COL6A6: variants seen among roughly 807,000 people sequenced by gnomAD.
COL6A6 encodes the protein collagen alpha-6(VI) chain.
COL6A6 carries 183 observed loss-of-function variants against 208.6 expected under a neutral mutation model. That is an observed-to-expected ratio of 0.88 (90% CI 0.78 to 0.99). COL6A6 has a LOEUF of 0.99. Among genes scored for constraint, COL6A6 ranks in the 50% least tolerant of loss-of-function variants. The pLI is 0.00. For synonymous variants in COL6A6, 973 were observed against 1,011.8 expected (o/e 0.96, Z 0.73); for missense variants, 2,816 against 2,815.2 (o/e 1.00, Z -0.01).
At chr3:130,579,110 C>T (rs528339485) in intron 8 of COL6A6, among the ~76,000 whole-genome samples, 1 of 152,194 alleles carries the variant, frequency 6.6e-6, no homozygotes, top group Non-Finnish European at 1.5e-5. Flanking sequence ...CTGCCACTTT[C>T]CCCTTTAAAG....
At chr3:130,559,848 A>C (rs2062841891) in intron 1 of COL6A6, among the ~76,000 whole-genome samples, 1 of 152,182 alleles carries the variant, frequency 6.6e-6, no homozygotes, top group South Asian at 2.1e-4. Context: ...CTACTGTTTC[A>C]GTTAGGGAGG....
chr3:130,586,440 A>G (rs545980764), intron 10 of COL6A6, 66 bp from the exon 11 acceptor site: 2 of 1,426,504 alleles, frequency 1.4e-6, no homozygotes, highest in African/African-American at 2.9e-5. Context: ...CAATTTAAAT[A>G]TGCTTGCAAA....
rs372431409 is a variant in COL6A6, at chr3:130,661,991, G to A, written c.6185G>A (p.Gly2062Asp). The part of the protein sequence containing the change: ...VKQLNGDAFI[G>D]HALQWTLDNV... ...CAACTAAATGGAGATGCTTTTATTGGTCATGCCTTACAGTGGACTCTGGAC... is the reference window on the plus strand; with the variant it reads ...CAACTAAATGGAGATGCTTTTATTGATCATGCCTTACAGTGGACTCTGGAC... The change falls in exon 35 of 37, where the codon GGT becomes GAT. Residue 2062 changes from glycine to aspartate, a missense_variant. Physicochemically the swap from Gly to Asp is moderately conservative, Grantham distance 94. Transcript: ENST00000358511. 5.0e-5 allele frequency: 81 copies of A among 1,613,862 alleles called. No individual in the cohort carries two copies. In the Middle Eastern group the frequency reaches 9.9e-4, roughly 20 times the overall value.
intron 1 of COL6A6, among the ~76,000 whole-genome samples, chr3:130,540,037 A>G (rs2062324199): frequency 6.6e-6 from 1 of 152,228 alleles, no homozygotes; most frequent in Non-Finnish European, 1.5e-5. Context: ...TTTGTTAATA[A>G]TAAACCATAA....
chr3:130,644,423 A>G (rs921673651), intron 31 of COL6A6, among the ~76,000 whole-genome samples: 6 of 152,214 alleles, frequency 3.9e-5, no homozygotes, highest in Non-Finnish European at 7.3e-5. Context: ...ATTAATTTTA[A>G]TAGCTGCATG....
rs149602712 is a variant in COL6A6, at chr3:130,607,726, C to T, written c.4689+760C>T. On this transcript the variant is annotated intron_variant, in intron 21 of 36. Coordinates refer to ENST00000358511, the MANE Select transcript of COL6A6 (RefSeq NM_001102608.3). ...CCTGAAGGTACAGTGGAAAAATAAT[C>T]GTTAACTTAGAATTTTATACCTAGC... Among the ~76,000 whole-genome samples the T allele has an allele frequency of 4.5e-4, 68 of 152,206 alleles. 1 individual carries two copies. The highest frequency in any genetic ancestry group is 1.4e-3 in the African/African-American group (58 of 41,536).
Position 130,589,193 on chromosome 3 carries a change from C to T in COL6A6, c.4218+11C>T, listed in dbSNP as rs138769962. ...CCACCAGGGAAAAGGGTGATTTTAG[C>T]TCAGATTTATGGGTTACTTTGAGTT... is the stretch of plus-strand genomic sequence containing the variant. On this transcript the variant is annotated intron_variant, in intron 12 of 36. Coordinates refer to ENST00000358511, the MANE Select transcript of COL6A6 (RefSeq NM_001102608.3). The T allele has an allele frequency of 1.2e-6, 2 of 1,600,360 alleles. No homozygotes were observed. Among genetic ancestry groups the T allele is most frequent in the Non-Finnish European group, 1.7e-6 (2 of 1,167,576 alleles).
At chr3:130,660,300 C>T (rs1003182322) in intron 34 of COL6A6, among the ~76,000 whole-genome samples, 10 of 152,180 alleles carry the variant, frequency 6.6e-5, no homozygotes, top group Non-Finnish European at 1.5e-4. Flanking sequence ...TATCATCTGA[C>T]CATTATACAG....
chr3:130,519,232 T>G (rs1261928404), intron 1 of COL6A6, among the ~76,000 whole-genome samples: 1 of 152,220 alleles, frequency 6.6e-6, no homozygotes, highest in African/African-American at 2.4e-5. Context: ...CCTTATTTAA[T>G]AATCTCTATA....
intron 2 of COL6A6, among the ~76,000 whole-genome samples, chr3:130,560,971 C>T (rs570930667): frequency 6.6e-5 from 10 of 152,358 alleles, no homozygotes; most frequent in African/African-American, 2.4e-4. Flanking sequence ...TTGTCCAGAG[C>T]AACTTACATT....
At chr3:130,624,570 G>A (rs2064830156) in intron 24 of COL6A6, among the ~76,000 whole-genome samples, 1 of 152,192 alleles carries the variant, frequency 6.6e-6, no homozygotes. Context: ...CCTGAAGAAG[G>A]CTCTAGGGGA....
Position 130,662,078 on chromosome 3 carries a change from G to A in COL6A6, c.6272G>A (p.Gly2091Glu), listed in dbSNP as rs1305846345. The A allele has an allele frequency of 6.2e-7, 1 of 1,613,868 alleles. No individual in the cohort carries two copies. The highest frequency in any genetic ancestry group is 1.3e-5 in the African/African-American group (1 of 74,906). The part of the protein sequence containing the change: ...RNKVIFVISA[G>E]ETSHLDGEIL... The stretch of plus-strand genomic sequence containing the variant: ...AAAGTCATATTTGTGATATCTGCTG[G>A]GGAAACCAGCCACTTAGATGGGGAA... The change falls in exon 35 of 37, where the codon GGG becomes GAG. Residue 2091 changes from glycine (G) to glutamate (E), a missense_variant. By Grantham distance (98) the Gly-to-Glu change is moderately conservative (BLOSUM62 -2). Transcript: ENST00000358511.
At chr3:130,648,831 A>G (rs1288576362) in intron 32 of COL6A6, among the ~76,000 whole-genome samples, 1 of 152,222 alleles carries the variant, frequency 6.6e-6, no homozygotes, top group African/African-American at 2.4e-5. Context: ...ATTTCATATA[A>G]AATAAAACTG....
rs770774472 is a variant in COL6A6 at position 130,626,485 on chromosome 3, G to A, written c.4879G>A (p.Gly1627Arg). The A allele has an allele frequency of 7.4e-6, 12 of 1,610,780 alleles. No individual in the cohort carries two copies. The South Asian group carries it at 1.1e-4, about 15-fold the overall frequency. Reference sequence around the variant, plus strand: ...TAAAAACAATCTTTCTGTTTAACAGGGAGAACCTGGAGATCTGGGAGAAAA... The same window carrying A: ...TAAAAACAATCTTTCTGTTTAACAGAGAGAACCTGGAGATCTGGGAGAAAA... ...QGRLGSQGNKGEPGDLGEKGA... is the reference protein window; with the variant it reads ...QGRLGSQGNKREPGDLGEKGA... The change falls in exon 25 of 37, where the codon GGA (glycine) becomes AGA (arginine). Residue 1627 changes from glycine to arginine, a missense_variant and splice_region_variant. Physicochemically the swap from Gly to Arg is moderately radical, Grantham distance 125. Coordinates refer to ENST00000358511, the MANE Select transcript of COL6A6 (RefSeq NM_001102608.3).
At chr3:130,649,617 G>C (rs918249901) in intron 33 of COL6A6, 55 bp downstream of exon 33, 61 of 1,479,872 alleles carry the variant, frequency 4.1e-5, no homozygotes, top group Non-Finnish European at 5.2e-5. Context: ...CCTGTATTCA[G>C]AAGCCCCTAT....
At chr3:130,663,485 G>A (rs1226525667) in intron 35 of COL6A6, among the ~76,000 whole-genome samples, 3 of 152,094 alleles carry the variant, frequency 2.0e-5, no homozygotes, top group African/African-American at 7.2e-5. Flanking sequence ...AGAAAGAAGA[G>A]CTGAGGAAAA....
chr3:130,600,864 TAAAATA>T (rs982976010), intron 20 of COL6A6, among the ~76,000 whole-genome samples: 19 of 151,696 alleles, frequency 1.3e-4, no homozygotes, highest in South Asian at 2.1e-4. Context: ...TCCTGGAACT[TAAAATA>T]AAAATAAAAA....
chr3:130,528,320 G>C (rs943129161), intron 1 of COL6A6, among the ~76,000 whole-genome samples: 4 of 152,140 alleles, frequency 2.6e-5, no homozygotes, highest in African/African-American at 9.7e-5. Flanking sequence ...AGATCACCTG[G>C]GGACCTTGTT....
chr3:130,642,895 G>A (rs1282424034), intron 30 of COL6A6, 28 bp downstream of exon 30: 7 of 1,613,162 alleles, frequency 4.3e-6, no homozygotes, highest in Admixed American at 1.7e-5. Context: ...ACAACAGAGT[G>A]CTCTGAGTGC....
Sources: allele counts gnomAD v4.1 joint callset (sites outside exome capture counted in the v4.1 genomes callset), GRCh38; gene constraint gnomAD v4.1.1; transcripts MANE v1.5; gene names NCBI Gene and HGNC (gene_info 2026-07-23, HGNC 2026-07-21).